Variants in PLCG2 observed in about 807,000 individuals in gnomAD.
The protein encoded by PLCG2 is phospholipase C gamma 2, also known as 1-phosphatidylinositol 4,5-bisphosphate phosphodiesterase gamma-2.
PLCG2 carries 69 observed loss-of-function variants against 175.6 expected under a neutral mutation model. The ratio of observed to expected loss-of-function variants is 0.39; its 90% CI spans 0.32 to 0.48. The LOEUF is 0.48. Among genes scored for constraint, PLCG2 ranks in the 20% least tolerant of loss-of-function variants. The pLI is 0.91. For synonymous variants in PLCG2, 827 were observed against 624.0 expected, an observed-to-expected ratio of 1.33 and a Z score of -4.85; for missense variants, 1,798 against 1,650.9, an observed-to-expected ratio of 1.09 and a Z score of -1.54.
chr16:81,902,334 A>T (rs1309781972), intron 14 of PLCG2, among the ~76,000 whole-genome samples: 2 of 152,200 alleles, frequency 1.3e-5, no homozygotes, highest in East Asian at 3.8e-4. Context: ...TATAAACAAC[A>T]GGAACTGATT....
intron 2 of PLCG2, among the ~76,000 whole-genome samples, chr16:81,847,785 A>G (rs933182605): frequency 2.0e-5 from 3 of 152,214 alleles, no homozygotes; most frequent in African/African-American, 7.2e-5. Context: ...TATTAAAAGT[A>G]ATCTAGGGAT....
intron 2 of PLCG2, among the ~76,000 whole-genome samples, chr16:81,830,131 G>C (rs993036617): frequency 1.3e-5 from 2 of 151,946 alleles, no homozygotes; most frequent in Non-Finnish European, 2.9e-5. Flanking sequence ...AATAGCCTGG[G>C]TAACATGATG....
intron 10 of PLCG2, among the ~76,000 whole-genome samples, chr16:81,889,646 TG>T (rs1481092671): frequency 2.6e-5 from 4 of 152,056 alleles, no homozygotes; most frequent in Non-Finnish European, 4.4e-5. Flanking sequence ...TTTATGTTTT[TG>T]TTTGTTTGCT....
In PLCG2 at chr16:81,927,178, G is replaced by C. The variant is rs115583707; in HGVS notation, c.2514G>C (p.Gln838His). 3 of 1,603,240 alleles carry C rather than the reference G, an allele frequency of 1.9e-6. No homozygotes were observed. The highest frequency in any genetic ancestry group is 2.6e-6 in the Non-Finnish European group (3 of 1,170,140). ...CAGACTTCGAGGAGCTAGAAAAGCA[G>C]GTGAGTCCCCCTCTTCGATCCTCTT... ...STADFEELEK[Q>H]IIEDNPLGSL... The change falls in exon 23 of 33, where the codon CAG becomes CAC. Residue 838 changes from glutamine to histidine, a missense_variant and splice_region_variant. Transcript: ENST00000564138.
At chr16:81,949,063 T>G (rs1331009189) in intron 31 of PLCG2, among the ~76,000 whole-genome samples, 3 of 152,152 alleles carry the variant, frequency 2.0e-5, no homozygotes, top group Non-Finnish European at 2.9e-5. Context: ...GAGATCTGCA[T>G]TAGTGACACC....
At chr16:81,773,978 G>T (rs377695104) in intron 2 of PLCG2, among the ~76,000 whole-genome samples, 2 of 151,772 alleles carry the variant, frequency 1.3e-5, no homozygotes, top group African/African-American at 4.8e-5. Flanking sequence ...CAGGCACTCC[G>T]CAAATGTTTG....
chr16:81,831,660 C>A (rs912551619), intron 2 of PLCG2, among the ~76,000 whole-genome samples: 2 of 152,152 alleles, frequency 1.3e-5, no homozygotes, highest in African/African-American at 2.4e-5. Context: ...GGCATTTGTA[C>A]CCCGAGTGGG....
intron 2 of PLCG2, among the ~76,000 whole-genome samples, chr16:81,786,862 C>T (rs914027414): frequency 2.0e-5 from 3 of 152,132 alleles, no homozygotes; most frequent in Non-Finnish European, 4.4e-5. Context: ...ATATATATTC[C>T]TGGGGGTTAA....
chr16:81,802,091 G>GTTT (rs1249304271), intron 2 of PLCG2, among the ~76,000 whole-genome samples: 25 of 53,486 alleles, frequency 4.7e-4, no homozygotes, highest in Admixed American at 7.5e-4. Flanking sequence ...GGTGAGTACA[G>GTTT]TCTTTTTTTT....
At chr16:81,769,177 A>G (rs769292334) in intron 2 of PLCG2, among the ~76,000 whole-genome samples, 5 of 152,220 alleles carry the variant, frequency 3.3e-5, no homozygotes, top group African/African-American at 9.6e-5. Flanking sequence ...GGAACTCACC[A>G]TGAGTGATGA....
intron 1 of PLCG2, among the ~76,000 whole-genome samples, chr16:81,783,661 A>T (rs1350929406): frequency 1.3e-5 from 2 of 152,168 alleles, no homozygotes; most frequent in African/African-American, 4.8e-5. Context: ...AATGAGACGA[A>T]CCAGACACAA....
intron 2 of PLCG2, among the ~76,000 whole-genome samples, 186 bp from the exon 3 acceptor site, chr16:81,854,258 G>C (rs1325969283): frequency 6.6e-6 from 1 of 152,186 alleles, no homozygotes; most frequent in Non-Finnish European, 1.5e-5. Context: ...CAAATGCCCG[G>C]GTAGGGTCTT....
At chr16:81,868,788 G>C (rs1174238912) in intron 5 of PLCG2, among the ~76,000 whole-genome samples, 1 of 152,254 alleles carries the variant, frequency 6.6e-6, no homozygotes, top group Non-Finnish European at 1.5e-5. Context: ...TCTCCTGCAA[G>C]ACCTTCCTCC....
chr16:81,884,139 C>T (rs1311543210), intron 9 of PLCG2, among the ~76,000 whole-genome samples: 2 of 152,162 alleles, frequency 1.3e-5, no homozygotes, highest in African/African-American at 4.8e-5. Context: ...TCACTTGAAG[C>T]CAGGAGTTCG....
intron 7 of PLCG2, among the ~76,000 whole-genome samples, chr16:81,872,792 C>G (rs1907582025): frequency 6.6e-6 from 1 of 152,218 alleles, no homozygotes; most frequent in South Asian, 2.1e-4. Flanking sequence ...CTGACTGCTC[C>G]TAGCCTCAGT....
At chr16:81,875,965 T>C (rs867664821) in intron 7 of PLCG2, among the ~76,000 whole-genome samples, 5 of 150,776 alleles carry the variant, frequency 3.3e-5, no homozygotes, top group Non-Finnish European at 7.4e-5. Context: ...AAGAGGAGAG[T>C]CCACAGTGGA....
intron 2 of PLCG2, among the ~76,000 whole-genome samples, chr16:81,760,332 T>C (rs1910011636): frequency 1.3e-5 from 2 of 152,090 alleles, no homozygotes; most frequent in Non-Finnish European, 1.5e-5. Context: ...TGCTGCACCC[T>C]CTGGTTCTCT....
At chr16:81,867,059 G>A (rs770006136) in intron 5 of PLCG2, among the ~76,000 whole-genome samples, 2 of 152,226 alleles carry the variant, frequency 1.3e-5, no homozygotes, top group Non-Finnish European at 2.9e-5. Context: ...TAAGTGGGTG[G>A]GGAGCATCTT....
At chr16:81,848,495 A>G (rs562383322) in intron 2 of PLCG2, among the ~76,000 whole-genome samples, 4 of 152,112 alleles carry the variant, frequency 2.6e-5, no homozygotes, top group Non-Finnish European at 4.4e-5. Flanking sequence ...GCCTTTGTAC[A>G]TGTGCGTTTG....
Sources: allele counts gnomAD v4.1 joint callset (sites outside exome capture counted in the v4.1 genomes callset), GRCh38; gene constraint gnomAD v4.1.1; transcripts MANE v1.5; gene names NCBI Gene and HGNC (gene_info 2026-07-23, HGNC 2026-07-21).